Variants in PIGK observed in about 807,000 individuals in gnomAD.
The protein encoded by PIGK is GPI-anchor transamidase.
Under a neutral mutation model 50.6 loss-of-function variants are expected in PIGK, and 42 were observed. The ratio of observed to expected loss-of-function variants is 0.83; its 90% confidence interval spans 0.65 to 1.07. The LOEUF (loss-of-function observed/expected upper bound fraction) is 1.07, where lower values mean the gene tolerates loss of function less well. PIGK is among the 50% of genes least tolerant of loss of function. The probability of loss-of-function intolerance (pLI) is 0.00; values close to 1 mark genes in which losing one functional copy is unlikely to be tolerated. For missense variants in PIGK, 448 were observed against 488.7 expected, an observed-to-expected ratio of 0.92 and a Z score of 0.78; for synonymous variants, 151 against 156.0, an observed-to-expected ratio of 0.97 and a Z score of 0.24.
At chr1:77,157,672 A>G (rs1438657768) in intron 8 of PIGK, among the ~76,000 whole-genome samples, 1 of 152,222 alleles carries the variant, frequency 6.6e-6, no homozygotes, top group Non-Finnish European at 1.5e-5. Context: ...ATCAACATAT[A>G]TAATCTTCAA....
At chr1:77,107,160 A>C (rs1653703998) in intron 10 of PIGK, among the ~76,000 whole-genome samples, 1 of 152,026 alleles carries the variant, frequency 6.6e-6, no homozygotes, top group Middle Eastern at 3.2e-3. Flanking sequence ...TTGCTTCTCT[A>C]GTTCTTTTAA....
rs839825 is a variant in PIGK at position 77,161,411 on chromosome 1, G to A, written c.703-6C>T. 1 allele frequency: 1,486,991 copies of A among 1,490,316 alleles called. 741,891 individuals carry two copies. The highest frequency in any genetic ancestry group is 1 in the East Asian group (44,196 of 44,196). The allele number at this position is 1,490,316 out of a possible 1,614,324, so 92.3% of individuals were successfully genotyped here. A position where few individuals can be genotyped will look rare whatever the true frequency, so the allele number is the denominator to read the frequency against. The stretch of plus-strand genomic sequence containing the variant: ...ATTGCAGGATCAGGTTGATGCTATG[G>A]AAAGGGGGAAAAAAAGTATTTCTAA... On this transcript the variant is annotated splice_polypyrimidine_tract_variant and splice_region_variant and intron_variant, in intron 7 of 10. Transcript: ENST00000370812.
chr1:77,120,927 A>T (rs1365474418), intron 10 of PIGK, among the ~76,000 whole-genome samples: 1 of 152,224 alleles, frequency 6.6e-6, no homozygotes, highest in African/African-American at 2.4e-5. Context: ...CTTGGAATTC[A>T]CACAGTGTAT....
At chr1:77,124,243 CA>C (rs1186694418) in intron 9 of PIGK, among the ~76,000 whole-genome samples, 4 of 148,860 alleles carry the variant, frequency 2.7e-5, no homozygotes, top group Admixed American at 6.7e-5. Flanking sequence ...ACTCATTGAC[CA>C]AAAAAAAACA....
intron 1 of PIGK, among the ~76,000 whole-genome samples, chr1:77,211,020 T>C (rs1557433431): frequency 6.6e-6 from 1 of 152,016 alleles, no homozygotes; most frequent in Non-Finnish European, 1.5e-5. Context: ...TTGTTCAACA[T>C]TTAACAAGGC....
intron 3 of PIGK, among the ~76,000 whole-genome samples, chr1:77,200,645 C>T (rs772447203): frequency 1.3e-5 from 2 of 151,982 alleles, no homozygotes; most frequent in Non-Finnish European, 2.9e-5. Flanking sequence ...TAAAAGAATT[C>T]ATTCATTATA....
chr1:77,210,565 C>G lies in PIGK; in HGVS notation c.94-76G>C, dbSNP rs17100046. 3,447 of 853,160 alleles carry G rather than the reference C, an allele frequency of 4.0e-3. 83 individuals carry two copies. The African/African-American group carries it at 0.052, about 13-fold the overall frequency. The allele number at this position is 853,160 out of a possible 1,614,324, so 52.8% of individuals were successfully genotyped here. Reference sequence around the variant, plus strand: ...AGACTGATAATGGACAGTTGAGACTCGTGTAGTTTTTACAGTTGTAATAAC... The same window carrying G: ...AGACTGATAATGGACAGTTGAGACTGGTGTAGTTTTTACAGTTGTAATAAC... On this transcript the variant is annotated intron_variant, in intron 1 of 10. Coordinates refer to ENST00000370812, the MANE Select transcript of PIGK (RefSeq NM_005482.3).
chr1:77,108,002 T>C (rs983850866), intron 10 of PIGK, among the ~76,000 whole-genome samples: 3 of 152,170 alleles, frequency 2.0e-5, no homozygotes, highest in Admixed American at 1.3e-4. Context: ...TGAGATGGGT[T>C]TCCTGAATAC....
intron 5 of PIGK, 112 bp from the exon 6 acceptor site, chr1:77,164,054 T>C: frequency 1.7e-6 from 1 of 588,146 alleles, no homozygotes; most frequent in Non-Finnish European, 2.9e-6. Flanking sequence ...TATTTTATAC[T>C]CTAAAATGTA....
At chr1:77,164,688 C>T (rs1440933221) in intron 5 of PIGK, among the ~76,000 whole-genome samples, 3 of 151,820 alleles carry the variant, frequency 2.0e-5, no homozygotes, top group African/African-American at 7.3e-5. Flanking sequence ...TAGGGCAGAT[C>T]GCTTAGTAAG....
At chr1:77,121,209 T>C (rs1654087917) in intron 10 of PIGK, among the ~76,000 whole-genome samples, 1 of 152,210 alleles carries the variant, frequency 6.6e-6, no homozygotes, top group African/African-American at 2.4e-5. Context: ...GAGTCAGGCA[T>C]GAAGACAGAA....
chr1:77,193,284 T>TGTGTGTGTGTGTGTGTGTGTG (rs1655954057), intron 3 of PIGK, among the ~76,000 whole-genome samples: 3 of 150,782 alleles, frequency 2.0e-5, no homozygotes, highest in African/African-American at 7.3e-5. Flanking sequence ...TGTGTGTGTG[T>TGTGTGTGTGTGTGTGTGTGTG]TTCTCCTAAG....
chr1:77,207,148 C>T (rs895220573), intron 2 of PIGK, among the ~76,000 whole-genome samples: 1 of 152,114 alleles, frequency 6.6e-6, no homozygotes, highest in Non-Finnish European at 1.5e-5. Context: ...GCCTTGTCGA[C>T]AGAGCAAGAC....
intron 10 of PIGK, among the ~76,000 whole-genome samples, chr1:77,120,732 T>G (rs1654078422): frequency 6.6e-6 from 1 of 152,184 alleles, no homozygotes; most frequent in Non-Finnish European, 1.5e-5. Context: ...ATTCATTTTA[T>G]TCAATAAAAA....
Position 77,154,490 on chromosome 1 carries a change from C to G in PIGK, c.945G>C (p.Glu315Asp). 3 of 1,611,910 alleles carry G rather than the reference C, an allele frequency of 1.9e-6. No individual in the cohort carries two copies. The highest frequency in any genetic ancestry group is 2.5e-6 in the Non-Finnish European group (3 of 1,178,596). Residue 315 changes from glutamate to aspartate, a missense_variant, in exon 9 of 11, where the codon GAG becomes GAC. By Grantham distance (45) the Glu-to-Asp change is conservative (BLOSUM62 2). Coordinates refer to ENST00000370812, the MANE Select transcript of PIGK (RefSeq NM_005482.3). ...GSVRKVEITT[E>D]TIKLQQDSEI... ...CTGAATCCTGTTGCAATTTAATAGT[C>G]TCTGTTGTAATTTCCACTTTCCGTA...
At position 77,091,579 on chromosome 1, in the gene PIGK, G is replaced by A. The variant is rs1256672826; in HGVS notation, c.*795C>T. 3 of 152,054 alleles carry A rather than the reference G, an allele frequency of 2.0e-5. No individual in the cohort carries two copies. The highest frequency in any genetic ancestry group is 2.9e-5 in the Non-Finnish European group (2 of 68,002). 9.4% of individuals were successfully genotyped at this position (152,054 alleles called of 1,614,324 possible). A position where few individuals can be genotyped will look rare whatever the true frequency, so the allele number is the denominator to read the frequency against. The stretch of plus-strand genomic sequence containing the variant: ...AACGCTTACAAATGAAAAACAATGG[G>A]GTATGTTTCTCTTGAGCAGTCAGTA... On this transcript the variant is annotated 3_prime_UTR_variant, in exon 11 of 11. Transcript: ENST00000370812.
intron 10 of PIGK, among the ~76,000 whole-genome samples, chr1:77,112,277 C>T (rs773311684): frequency 6.9e-6 from 1 of 145,672 alleles, no homozygotes; most frequent in African/African-American, 2.7e-5. Context: ...TTCAGGTCAA[C>T]TTAGATGGCA....
chr1:77,191,594 C>A (rs942351572), intron 3 of PIGK, among the ~76,000 whole-genome samples: 1 of 152,174 alleles, frequency 6.6e-6, no homozygotes, highest in African/African-American at 2.4e-5. Flanking sequence ...ACATTTCTAG[C>A]GTCAAATGGC....
At chr1:77,105,020 C>T (rs74741768) in intron 10 of PIGK, among the ~76,000 whole-genome samples, 2,083 of 152,266 alleles carry the variant, frequency 0.014, 58 homozygotes, top group African/African-American at 0.047. Flanking sequence ...TAGGTACCCA[C>T]GCTTGGTGGG....
Sources: allele counts gnomAD v4.1 joint callset (sites outside exome capture counted in the v4.1 genomes callset), GRCh38; gene constraint gnomAD v4.1.1; transcripts MANE v1.5; gene names NCBI Gene and HGNC (gene_info 2026-07-23, HGNC 2026-07-21).